The following PRKD3 variants were observed in gnomAD, a reference collection of about 807,000 sequenced individuals.
PRKD3 encodes the protein serine/threonine-protein kinase D3.
Under a neutral mutation model 99.2 loss-of-function variants are expected in PRKD3, and 47 were observed. The ratio of observed to expected loss-of-function variants is 0.47; its 90% CI spans 0.38 to 0.60. The LOEUF is 0.60. Ranked by LOEUF, PRKD3 falls within the 20% of genes least tolerant of loss-of-function variation. The pLI, the probability that PRKD3 is intolerant of heterozygous loss-of-function variation, is 0.00. For missense variants in PRKD3, 1,019 were observed against 1,088.4 expected, an observed-to-expected ratio of 0.94 and a Z score of 0.90; for synonymous variants, 392 against 355.4, an observed-to-expected ratio of 1.10 and a Z score of -1.16.
chr2:37,260,238 T>C lies in PRKD3; in HGVS notation c.2031A>G (p.Lys677=). The change falls in exon 15 of 19, where the codon AAA becomes AAG. Residue 677 remains lysine (K), a synonymous_variant. Transcript: ENST00000234179. ...GTTAAAATACCTGTGTGACCATGAA[T>C]TTAGTAATTCGTTCTGGAAGCCGAC... is the stretch of plus-strand genomic sequence containing the variant. ...EKSRLPERIT[K]FMVTQILVAL... is the part of the protein sequence containing the mutation. The C allele has an allele frequency of 6.2e-7, 1 of 1,610,462 alleles. No homozygotes were observed. The highest frequency in any genetic ancestry group is 8.5e-7 in the Non-Finnish European group (1 of 1,177,542).
chr2:37,290,205 T>G (rs1325705386), intron 4 of PRKD3, among the ~76,000 whole-genome samples: 2 of 152,146 alleles, frequency 1.3e-5, no homozygotes, highest in Non-Finnish European at 2.9e-5. Flanking sequence ...TCAGAACAAA[T>G]TTGACAATTT....
intron 1 of PRKD3, among the ~76,000 whole-genome samples, chr2:37,320,423 C>CTTTTT (rs35158902): frequency 1.3e-4 from 10 of 78,124 alleles, no homozygotes; most frequent in Admixed American, 3.5e-4. Context: ...AAGTTAACGA[C>CTTTTT]TTTTTTTTTT....
chr2:37,282,753 G>C (rs1171907974), intron 6 of PRKD3, 134 bp from the exon 7 acceptor site: 13 of 673,682 alleles, frequency 1.9e-5, no homozygotes, highest in Non-Finnish European at 1.0e-5. Flanking sequence ...CCACCTACAA[G>C]TCACTTTAGC....
At position 37,316,526 on chromosome 2, in the gene PRKD3, T is replaced by C; in HGVS notation, c.-2A>G. 6.2e-7 allele frequency: 1 copy of C among 1,609,670 alleles called. No individual in the cohort carries two copies. The highest frequency in any genetic ancestry group is 1.3e-5 in the African/African-American group (1 of 74,718). The stretch of plus-strand genomic sequence containing the variant: ...TGGAGGGGAATTATTTGCAGACATC[T>C]GCCTTTCTTTAATCTTTTAAAATAG... On this transcript the variant is annotated 5_prime_UTR_variant, in exon 2 of 19. Coordinates refer to ENST00000234179, the MANE Select transcript of PRKD3 (RefSeq NM_005813.6).
At chr2:37,268,431 G>A (rs1025421818) in intron 13 of PRKD3, 6 of 456,236 alleles carry the variant, frequency 1.3e-5, no homozygotes, top group Admixed American at 4.9e-5. Context: ...TTTTCTAGGC[G>A]ACTGCTTTAT....
In PRKD3 at chr2:37,297,235, T is replaced by C. The variant is rs151081521; in HGVS notation, c.289-3964A>G. On this transcript the variant is annotated intron_variant, in intron 2 of 18. Coordinates refer to ENST00000234179, the MANE Select transcript of PRKD3 (RefSeq NM_005813.6). ...TGCTTAGGCTATCATTTCAGGTTTA[T>C]GGTTAAGCTCCTGAGGAATAGGCGG... Among the ~76,000 whole-genome samples, 550 of 152,306 alleles carry C rather than the reference T, an allele frequency of 3.6e-3. 4 individuals are homozygous for C. The highest frequency in any genetic ancestry group is 0.013 in the African/African-American group (522 of 41,572).
chr2:37,300,982 G>C (rs2124869045), intron 2 of PRKD3, among the ~76,000 whole-genome samples: 1 of 150,678 alleles, frequency 6.6e-6, no homozygotes, highest in South Asian at 2.1e-4. Flanking sequence ...GTTGACTTTA[G>C]ATGAAAAATG....
rs17020459 is a variant in PRKD3, at chr2:37,288,208, C to G, written c.717+1148G>C. Among the ~76,000 whole-genome samples the G allele has an allele frequency of 3.7e-3, 564 of 152,250 alleles. 20 individuals are homozygous for G. In the East Asian group the frequency reaches 0.086, roughly 23 times the overall value. ...CTTGACATACCTCTATTCTACTGTC[C>G]TCATTCCTAGGTAAGTTCTCTGTGC... On this transcript the variant is annotated intron_variant, in intron 5 of 18. Coordinates refer to ENST00000234179, the MANE Select transcript of PRKD3 (RefSeq NM_005813.6).
chr2:37,294,174 T>C (rs1670572198), intron 2 of PRKD3, among the ~76,000 whole-genome samples: 1 of 152,168 alleles, frequency 6.6e-6, no homozygotes, highest in Non-Finnish European at 1.5e-5. Flanking sequence ...AGTTCAACAC[T>C]GCAGCCTCAA....
chr2:37,287,230 CAAAAAAAAAAAAAA>C (rs754092348), intron 5 of PRKD3, among the ~76,000 whole-genome samples: 15 of 53,648 alleles, frequency 2.8e-4, no homozygotes, highest in South Asian at 9.4e-4. Context: ...AACTCCATCT[CAAAAAAAAAAAAAA>C]AAAAAAAAAA....
At position 37,290,235 on chromosome 2, in the gene PRKD3, C is replaced by CT. The variant is rs112716351; in HGVS notation, c.559+632dup. Among the ~76,000 whole-genome samples, 750 of 147,896 alleles carry CT rather than the reference C, an allele frequency of 5.1e-3. 10 individuals are homozygous for CT. Among genetic ancestry groups the CT allele is most frequent in the African/African-American group, 0.015 (600 of 40,544 alleles). ...CAATTTAGTTGTATGTAAGAGACAA[C>CT]TTTTTTTTTTTGAGACAGAGTTTCG... On this transcript the variant is annotated intron_variant, in intron 4 of 18. Coordinates refer to ENST00000234179, the MANE Select transcript of PRKD3 (RefSeq NM_005813.6).
In PRKD3 at chr2:37,253,044, G is replaced by T; in HGVS notation, c.*133C>A. 1.1e-6 allele frequency: 1 copy of T among 884,056 alleles called. No individual in the cohort carries two copies. Among genetic ancestry groups the T allele is most frequent in the Non-Finnish European group, 1.7e-6 (1 of 597,374 alleles). The allele number at this position is 884,056 out of a possible 1,614,324, so 54.8% of individuals were successfully genotyped here. The stretch of plus-strand genomic sequence containing the variant: ...CCTACTCATTATGAACTACAGTACT[G>T]GTGTCACTTATTCGTTATCATATTT... On this transcript the variant is annotated 3_prime_UTR_variant, in exon 19 of 19. Transcript: ENST00000234179.
chr2:37,253,571 A>T (rs892500652), intron 18 of PRKD3, among the ~76,000 whole-genome samples: 9 of 152,192 alleles, frequency 5.9e-5, no homozygotes, highest in Non-Finnish European at 8.8e-5. Flanking sequence ...AATGAACGTA[A>T]CTAATTTCTG....
intron 14 of PRKD3, among the ~76,000 whole-genome samples, chr2:37,266,516 T>A (rs1247934227): frequency 6.6e-6 from 1 of 150,494 alleles, no homozygotes; most frequent in Non-Finnish European, 1.5e-5. Context: ...GATGGAGTTT[T>A]GCTGTTGTTG....
At chr2:37,274,299 G>T in intron 11 of PRKD3, 122 bp downstream of exon 11, 2 of 1,099,016 alleles carry the variant, frequency 1.8e-6, no homozygotes, top group Non-Finnish European at 2.6e-6. Flanking sequence ...GGTTACTAAA[G>T]TATTGGTTAC....
At chr2:37,274,400 A>G in intron 11 of PRKD3, 21 bp downstream of exon 11, 1 of 1,612,256 alleles carries the variant, frequency 6.2e-7, no homozygotes, top group Middle Eastern at 1.7e-4. Context: ...AGAAAAAGCC[A>G]TCAAGAAGTT....
At chr2:37,293,028 T>A in intron 3 of PRKD3, 105 bp downstream of exon 3, 1 of 1,194,836 alleles carries the variant, frequency 8.4e-7, no homozygotes, top group East Asian at 2.4e-5. Context: ...AGAAATTAAG[T>A]AACAATAATA....
At chr2:37,304,287 A>G (rs1197631854) in intron 2 of PRKD3, among the ~76,000 whole-genome samples, 1 of 152,054 alleles carries the variant, frequency 6.6e-6, no homozygotes, top group Non-Finnish European at 1.5e-5. Flanking sequence ...TATTAACACC[A>G]ATTTTAGGAA....
intron 2 of PRKD3, among the ~76,000 whole-genome samples, chr2:37,309,838 C>T (rs1050584683): frequency 1.4e-4 from 16 of 116,466 alleles, no homozygotes; most frequent in Middle Eastern, 5.3e-3. Flanking sequence ...CAGAGCGAGA[C>T]TCCGTCTCAA....
Sources: allele counts gnomAD v4.1 joint callset (sites outside exome capture counted in the v4.1 genomes callset), GRCh38; gene constraint gnomAD v4.1.1; transcripts MANE v1.5; gene names NCBI Gene and HGNC (gene_info 2026-07-23, HGNC 2026-07-21).